Variants in MEFV observed in about 807,000 individuals in gnomAD.
The protein encoded by MEFV is MEFV innate immunity regulator, pyrin.
A neutral mutation model predicts 62.5 loss-of-function variants in MEFV; 60 were observed. The ratio of observed to expected loss-of-function variants is 0.96; its 90% CI spans 0.78 to 1.19. MEFV has a LOEUF of 1.19. Among genes scored for constraint, MEFV ranks in the 50% most tolerant of loss-of-function variants. The pLI is 0.00. For synonymous variants in MEFV, 500 were observed against 415.2 expected, an observed-to-expected ratio of 1.20 and a Z score of -2.48; for missense variants, 1,169 against 1,004.5, an observed-to-expected ratio of 1.16 and a Z score of -2.21.
chr16:3,246,349 A>G (rs1958942275), intron 6 of MEFV, 176 bp downstream of exon 6: 1 of 692,392 alleles, frequency 1.4e-6, no homozygotes, highest in Non-Finnish European at 2.5e-6. Context: ...TGCTGACCAG[A>G]TGCCCTTCTC....
chr16:3,249,885 T>A (rs1185073852), intron 2 of MEFV, 105 bp from the exon 3 acceptor site: 1 of 945,708 alleles, frequency 1.1e-6, no homozygotes, highest in African/African-American at 1.6e-5. Flanking sequence ...GATGTGCGAG[T>A]TCTCAGTTAG....
In MEFV at chr16:3,244,948, A is replaced by G. The variant is rs138800805; in HGVS notation, c.1611-360T>C. 5.3e-5 allele frequency among the ~76,000 whole-genome samples: 8 copies of G among 152,304 alleles called. No homozygotes were observed. In the East Asian group the frequency reaches 1.5e-3, roughly 29 times the overall value. ...GAAAAAAAAACACACACAACAAAAT[A>G]TCCCTTCACATCCATTAGAATGGCT... On this transcript the variant is annotated intron_variant, in intron 6 of 9. Transcript: ENST00000219596.
intron 7 of MEFV, 35 bp downstream of exon 7, chr16:3,244,438 G>A: frequency 6.3e-7 from 1 of 1,590,258 alleles, no homozygotes; most frequent in South Asian, 1.1e-5. Flanking sequence ...GAGGAAGTGA[G>A]CATGCACCTC....
chr16:3,244,402 G>A, intron 7 of MEFV, 71 bp downstream of exon 7: 1 of 1,583,974 alleles, frequency 6.3e-7, no homozygotes, highest in Non-Finnish European at 8.7e-7. Context: ...GGGAAGTGAG[G>A]GGCTCTGGGC....
intron 4 of MEFV, chr16:3,248,681 G>A (rs1003772194): frequency 5.9e-6 from 8 of 1,351,140 alleles, no homozygotes; most frequent in Middle Eastern, 2.0e-4. Context: ...ATCTTCTGGT[G>A]AGTATGAGAA....
intron 4 of MEFV, 55 bp from the exon 5 acceptor site, chr16:3,247,301 T>G: frequency 2.6e-6 from 4 of 1,532,410 alleles, no homozygotes; most frequent in East Asian, 2.2e-5. Flanking sequence ...TGGACGTGGA[T>G]GTCCAGGAAC....
At position 3,242,972 on chromosome 16, in the gene MEFV, G is replaced by T. The variant is rs558576646; in HGVS notation, c.*169C>A. On this transcript the variant is annotated 3_prime_UTR_variant, in exon 10 of 10. Transcript: ENST00000219596. ...TTCACCCGGATTGACTAACATGTTC[G>T]TTCCTAACTTACCTCTGCTATAATC... 11 of 717,456 alleles carry T rather than the reference G, an allele frequency of 1.5e-5. No homozygotes were observed. The highest frequency in any genetic ancestry group is 8.1e-5 in the East Asian group (3 of 37,084). The allele number at this position is 717,456 out of a possible 1,614,324, so 44.4% of individuals were successfully genotyped here.
chr16:3,249,233 C>T (rs1958992909), intron 3 of MEFV, among the ~76,000 whole-genome samples, 198 bp downstream of exon 3: 1 of 152,198 alleles, frequency 6.6e-6, no homozygotes, highest in South Asian at 2.1e-4. Context: ...TACCTGAAGC[C>T]AGCTCCCCCT....
At chr16:3,252,521 C>T (rs1959052023) in intron 2 of MEFV, among the ~76,000 whole-genome samples, 2 of 151,932 alleles carry the variant, frequency 1.3e-5, no homozygotes, top group Admixed American at 1.3e-4. Flanking sequence ...TGATCCGCCC[C>T]CATTGGCCTC....
rs758820729 is a variant in MEFV, at chr16:3,244,521, G to A, written c.1678C>T (p.Leu560Phe). The change falls in exon 7 of 10, where the codon CTC (leucine) becomes TTC (phenylalanine). Residue 560 changes from leucine (L) to phenylalanine (F), a missense_variant. Coordinates refer to ENST00000219596, the MANE Select transcript of MEFV (RefSeq NM_000243.3). ...PQEIKQKIQLLHQKSEFVEKS... is the reference protein window; with the variant it reads ...PQEIKQKIQLFHQKSEFVEKS... The stretch of plus-strand genomic sequence containing the variant: ...TCCACAAACTCTGACTTCTGGTGGA[G>A]GAGTTGGATCTTTTGTTTTATCTCT... 7 of 1,614,078 alleles carry A rather than the reference G, an allele frequency of 4.3e-6. No individual in the cohort carries two copies. In the East Asian group the frequency reaches 1.1e-4, roughly 26 times the overall value.
At chr16:3,247,392 C>T (rs527976571) in intron 4 of MEFV, 146 bp from the exon 5 acceptor site, 10 of 657,532 alleles carry the variant, frequency 1.5e-5, no homozygotes, top group East Asian at 2.7e-5. Context: ...GAGCAGGAGG[C>T]GATATTGTCT....
intron 2 of MEFV, chr16:3,251,914 C>T: frequency 3.5e-6 from 1 of 285,588 alleles, no homozygotes; most frequent in Non-Finnish European, 7.5e-6. Flanking sequence ...CCAGGAATCC[C>T]AATGATATAA....
At chr16:3,246,857 C>G (rs911611998) in intron 5 of MEFV, among the ~76,000 whole-genome samples, 159 bp downstream of exon 5, 1 of 152,208 alleles carries the variant, frequency 6.6e-6, no homozygotes, top group African/African-American at 2.4e-5. Flanking sequence ...TCAAAGGGGT[C>G]TGGGCACAAG....
At chr16:3,252,791 A>G (rs1244752085) in intron 2 of MEFV, among the ~76,000 whole-genome samples, 1 of 151,526 alleles carries the variant, frequency 6.6e-6, no homozygotes, top group Non-Finnish European at 1.5e-5. Context: ...TACAAAAAAA[A>G]AAAAAAAAAT....
intron 8 of MEFV, 99 bp downstream of exon 8, chr16:3,244,155 T>C: frequency 4.2e-6 from 1 of 238,574 alleles, no homozygotes; most frequent in Non-Finnish European, 6.0e-6. Flanking sequence ...AGGTGTTTGG[T>C]TTTTTTTTTT....
In MEFV at chr16:3,254,431, G is replaced by A. The variant is rs780525080; in HGVS notation, c.637C>T (p.Leu213=). Residue 213 remains leucine (L), a synonymous_variant, in exon 2 of 10, where the codon CTG becomes TTG. Coordinates refer to ENST00000219596, the MANE Select transcript of MEFV (RefSeq NM_000243.3). ...LRRNASSAGR[L]QGLAGGAPGQ... Reference sequence around the variant, plus strand: ...GGGGCGCCCCCCGCCAGCCCCTGCAGCCTCCCCGCGGAGCTGGCGTTTCTG... The same window carrying A: ...GGGGCGCCCCCCGCCAGCCCCTGCAACCTCCCCGCGGAGCTGGCGTTTCTG... 6.2e-7 allele frequency: 1 copy of A among 1,611,750 alleles called. No homozygotes were observed. Among genetic ancestry groups the A allele is most frequent in the Admixed American group, 1.7e-5 (1 of 59,948 alleles).
chr16:3,246,359 C>T, intron 6 of MEFV, 166 bp downstream of exon 6: 1 of 747,564 alleles, frequency 1.3e-6, no homozygotes, highest in Non-Finnish European at 2.2e-6. Context: ...ATGCCCTTCT[C>T]CCTATCAAAT....
At position 3,243,186 on chromosome 16, in the gene MEFV, T is replaced by C; in HGVS notation, c.2301A>G (p.Thr767=). Residue 767 remains threonine, a synonymous_variant, in exon 10 of 10, where the codon ACA becomes ACG. Transcript: ENST00000219596. ...CCACTGGACAGATAGTCAGAGGAGC[T>C]GTGTTCTTCCCTCCATCACGTGTCC... ...SPGTRDGGKN[T]APLTICPVGG... is the part of the protein sequence containing the mutation. The C allele has an allele frequency of 6.2e-7, 1 of 1,614,038 alleles. No homozygotes were observed.
rs775020273 is a variant in MEFV at position 3,254,240 on chromosome 16, T to C, written c.828A>G (p.Glu276=). 1.9e-6 allele frequency: 3 copies of C among 1,614,196 alleles called. No individual in the cohort carries two copies. Among genetic ancestry groups the C allele is most frequent in the Non-Finnish European group, 2.5e-6 (3 of 1,180,030 alleles). The part of the protein sequence containing the change: ...KTAANLDSAT[E]PRARPTPDGG... ...CATCCGGAGTGGGCCTTGCCCGGGG[T>C]TCTGTTGCCGAGTCCAGATTCGCAG... Residue 276 remains glutamate, a synonymous_variant, in exon 2 of 10, where the codon GAA becomes GAG. Transcript: ENST00000219596.
Sources: gnomAD v4.1 joint callset for allele counts (sites outside exome capture counted in the v4.1 genomes callset) on GRCh38, gnomAD v4.1.1 for gene constraint, MANE v1.5 for transcripts, NCBI Gene and HGNC (gene_info 2026-07-23, HGNC 2026-07-21) for gene names.